The following ZCWPW2 variants were observed in gnomAD, a reference collection of about 807,000 sequenced individuals.
The protein encoded by ZCWPW2 is zinc finger CW-type and PWWP domain containing 2, also known as zinc finger CW-type PWWP domain protein 2.
In ZCWPW2, 45 loss-of-function variants were observed where a neutral mutation model predicts 46.6. The ratio of observed to expected loss-of-function variants is 0.96; its 90% CI spans 0.76 to 1.24. ZCWPW2 has a LOEUF of 1.24. Among genes scored for constraint, ZCWPW2 ranks in the 50% most tolerant of loss-of-function variants. The pLI is 0.00. For missense variants in ZCWPW2, 429 were observed against 403.9 expected, an observed-to-expected ratio of 1.06 and a Z score of -0.53; for synonymous variants, 152 against 137.1, an observed-to-expected ratio of 1.11 and a Z score of -0.76.
intron 1 of ZCWPW2, among the ~76,000 whole-genome samples, chr3:28,374,870 T>G (rs1388174074): frequency 6.6e-6 from 1 of 152,092 alleles, no homozygotes; most frequent in Admixed American, 6.6e-5. Context: ...TTCGTTAATT[T>G]TTGTTGATTT....
At chr3:28,441,620 A>G (rs1436160598) in intron 4 of ZCWPW2, among the ~76,000 whole-genome samples, 1 of 152,178 alleles carries the variant, frequency 6.6e-6, no homozygotes, top group Non-Finnish European at 1.5e-5. Context: ...GAGAGAAGGC[A>G]GGGTGGCAGG....
At chr3:28,355,465 C>G (rs1446036736) in intron 1 of ZCWPW2, among the ~76,000 whole-genome samples, 6 of 152,256 alleles carry the variant, frequency 3.9e-5, no homozygotes, top group African/African-American at 1.4e-4. Flanking sequence ...CATCAAGCTA[C>G]TAATGACTTT....
intron 5 of ZCWPW2, among the ~76,000 whole-genome samples, chr3:28,481,385 A>G (rs538639758): frequency 9.9e-5 from 15 of 152,192 alleles, no homozygotes; most frequent in African/African-American, 2.9e-4. Flanking sequence ...CTGGGATTAC[A>G]GGTGCCCGCC....
At chr3:28,480,990 C>T (rs930534884) in intron 5 of ZCWPW2, among the ~76,000 whole-genome samples, 5 of 150,480 alleles carry the variant, frequency 3.3e-5, no homozygotes, top group Admixed American at 6.6e-5. Flanking sequence ...CTCAGCCTCC[C>T]GAGTAGTTGG....
At chr3:28,479,210 A>G (rs1001115782) in intron 5 of ZCWPW2, among the ~76,000 whole-genome samples, 29 of 152,170 alleles carry the variant, frequency 1.9e-4, no homozygotes, top group Admixed American at 1.9e-3. Context: ...GTCTACATAG[A>G]TGCCCTTGTG....
intron 4 of ZCWPW2, among the ~76,000 whole-genome samples, chr3:28,438,533 A>T (rs1257956900): frequency 6.6e-6 from 1 of 152,234 alleles, no homozygotes; most frequent in Admixed American, 6.5e-5. Context: ...AAACAAAAAC[A>T]ATAACAAAAA....
intron 1 of ZCWPW2, among the ~76,000 whole-genome samples, chr3:28,367,993 G>A (rs1396319466): frequency 1.3e-5 from 2 of 151,844 alleles, no homozygotes; most frequent in South Asian, 4.2e-4. Flanking sequence ...TTTTCCATTT[G>A]CTTGGTAGAT....
intron 2 of ZCWPW2, among the ~76,000 whole-genome samples, chr3:28,405,114 G>A (rs774053151): frequency 2.6e-5 from 4 of 152,106 alleles, no homozygotes; most frequent in Non-Finnish European, 4.4e-5. Context: ...AAATAAATGT[G>A]GTTATGGAAT....
Position 28,524,529 on chromosome 3 carries a change from A to G in ZCWPW2, c.912A>G (p.Leu304=). ...TTAATTATATGGTTGTTTTGCAGTTATCTAAATGCAGCCCAGAAGCTCCTG... is the reference window on the plus strand; with the variant it reads ...TTAATTATATGGTTGTTTTGCAGTTGTCTAAATGCAGCCCAGAAGCTCCTG... ...HGEEINMGEK[L]SKCSPEAPAG... is the part of the protein sequence containing the mutation. Residue 304 remains leucine (L), a splice_region_variant and synonymous_variant, in exon 10 of 10, where the codon TTA becomes TTG. Transcript: ENST00000383768. 2 of 1,600,960 alleles carry G rather than the reference A, an allele frequency of 1.2e-6. No individual in the cohort carries two copies. The highest frequency in any genetic ancestry group is 1.7e-4 in the Middle Eastern group (1 of 6,034).
intron 9 of ZCWPW2, among the ~76,000 whole-genome samples, chr3:28,523,782 TC>T (rs1700783823): frequency 6.6e-6 from 1 of 152,134 alleles, no homozygotes; most frequent in African/African-American, 2.4e-5. Context: ...AGAGTCACCT[TC>T]CTAATTATGT....
intron 4 of ZCWPW2, among the ~76,000 whole-genome samples, chr3:28,462,192 G>A (rs1263797242): frequency 6.6e-6 from 1 of 152,162 alleles, no homozygotes; most frequent in Non-Finnish European, 1.5e-5. Context: ...GCAAGACAGA[G>A]AAGATAGTCT....
chr3:28,478,014 T>C (rs1189588280), intron 4 of ZCWPW2, among the ~76,000 whole-genome samples: 1 of 152,108 alleles, frequency 6.6e-6, no homozygotes, highest in Non-Finnish European at 1.5e-5. Context: ...TAAATATGCA[T>C]TTAGAAAATG....
chr3:28,369,709 C>A (rs2125700640), intron 1 of ZCWPW2, among the ~76,000 whole-genome samples: 1 of 152,342 alleles, frequency 6.6e-6, no homozygotes, highest in African/African-American at 2.4e-5. Flanking sequence ...TTTAAGTCTG[C>A]AGAGGATTCT....
At chr3:28,441,329 C>T (rs956645060) in intron 4 of ZCWPW2, among the ~76,000 whole-genome samples, 1 of 152,178 alleles carries the variant, frequency 6.6e-6, no homozygotes, top group African/African-American at 2.4e-5. Flanking sequence ...AAGTCCCTGA[C>T]CATCCAACCA....
At chr3:28,471,090 T>C (rs1211513562) in intron 4 of ZCWPW2, among the ~76,000 whole-genome samples, 2 of 152,060 alleles carry the variant, frequency 1.3e-5, no homozygotes, top group Non-Finnish European at 2.9e-5. Context: ...CAATAACAAG[T>C]AACAAGATAA....
intron 2 of ZCWPW2, among the ~76,000 whole-genome samples, chr3:28,396,440 A>G (rs551247804): frequency 6.6e-6 from 1 of 152,344 alleles, no homozygotes; most frequent in Non-Finnish European, 1.5e-5. Context: ...TTATGTGAAC[A>G]TTTCATTTTT....
At chr3:28,513,971 G>T in intron 6 of ZCWPW2, 93 bp from the exon 7 acceptor site, 1 of 1,017,510 alleles carries the variant, frequency 9.8e-7, no homozygotes, top group South Asian at 1.9e-5. Flanking sequence ...TGTTTCTTCT[G>T]ACCAAATTAC....
chr3:28,512,188 T>TC (rs1357316786), intron 6 of ZCWPW2, among the ~76,000 whole-genome samples: 2 of 151,842 alleles, frequency 1.3e-5, no homozygotes, highest in Non-Finnish European at 2.9e-5. Context: ...TTTTTTTTTT[T>TC]CTTTCTTGAG....
intron 1 of ZCWPW2, among the ~76,000 whole-genome samples, chr3:28,364,548 T>A (rs1380276201): frequency 2.0e-5 from 3 of 152,196 alleles, no homozygotes; most frequent in Admixed American, 6.6e-5. Flanking sequence ...TCATACTGAT[T>A]GTATTACTTT....
Sources: allele counts gnomAD v4.1 joint callset (sites outside exome capture counted in the v4.1 genomes callset), GRCh38; gene constraint gnomAD v4.1.1; transcripts MANE v1.5; gene names NCBI Gene and HGNC (gene_info 2026-07-23, HGNC 2026-07-21).